The following POM121L2 variants were observed in gnomAD, a reference collection of about 807,000 sequenced individuals.
POM121L2 encodes the protein POM121 transmembrane nucleoporin like 2.
For missense variants in POM121L2, 1,167 were observed against 1,260.3 expected (o/e 0.93, Z 1.12); for synonymous variants, 459 against 483.8 (o/e 0.95, Z 0.67).
rs61736086 is a variant in POM121L2, at chr6:27,309,701, T to C, written c.2470A>G (p.Thr824Ala). The change falls in exon 1 of 1, where the codon ACA (threonine) becomes GCA (alanine). Residue 824 changes from threonine to alanine, a missense_variant. By Grantham distance (58) the Thr-to-Ala change is moderately conservative (BLOSUM62 0). Transcript: ENST00000444565. Reference protein sequence around the residue: ...TPAQPAFISTTQSALGCLTPS... With the variant: ...TPAQPAFISTAQSALGCLTPS... ...GTCAAACACCCCAAGGCTGACTGTG[T>C]GGTACTAATGAAGGCTGGCTGAGCT... is the stretch of plus-strand genomic sequence containing the variant. 7.5e-4 allele frequency: 1,169 copies of C among 1,551,606 alleles called. 11 individuals are homozygous for C. The African/African-American group carries it at 0.014, about 19-fold the overall frequency.
Position 27,310,338 on chromosome 6 carries a change from A to T in POM121L2, c.1833T>A (p.His611Gln). ...TGGCCTTGACCAGGCCATGGAAATG[A>T]TGGGTAGAAGCATGAGTAAATGGAG... ...TPPPFTHAST[H>Q]HFHGLVKATS... Residue 611 changes from histidine (H) to glutamine (Q), a missense_variant, in exon 1 of 1, where the codon CAT (histidine) becomes CAA (glutamine). Transcript: ENST00000444565. 6.4e-7 allele frequency: 1 copy of T among 1,552,244 alleles called. No individual in the cohort carries two copies. The highest frequency in any genetic ancestry group is 1.2e-5 in the South Asian group (1 of 84,064).
chr6:27,309,304 C>G lies in POM121L2; in HGVS notation c.2867G>C (p.Gly956Ala), dbSNP rs868731909. Residue 956 changes from glycine (G) to alanine (A), a missense_variant, in exon 1 of 1, where the codon GGG (glycine) becomes GCG (alanine). By Grantham distance (60) the Gly-to-Ala change is moderately conservative. Transcript: ENST00000444565. ...CTTTCTTGCAGAAATGCTGCCTCTC[C>G]CCAAGGAAAAAGCTGTGCGGTGGCT... ...LPSHRTAFSL[G>A]RGSISARKTM... The G allele has an allele frequency of 3.1e-5, 48 of 1,551,040 alleles. No individual in the cohort carries two copies. In the African/African-American group the frequency reaches 5.5e-4, roughly 18 times the overall value.
rs1461589948 is a variant in POM121L2, at chr6:27,309,632, C to T, written c.2539G>A (p.Gly847Ser). 1 of 1,551,638 alleles carries T rather than the reference C, an allele frequency of 6.4e-7. No individual in the cohort carries two copies. The highest frequency in any genetic ancestry group is 1.4e-5 in the African/African-American group (1 of 73,046). ...TSQTPASTWS[G>S]IGGIPAGFPI... ...AAACCTGCTGGAATGCCGCCAATGC[C>T]TGACCAGGTGCTGGCAGGGGTTTGA... The change falls in exon 1 of 1, where the codon GGC becomes AGC. Residue 847 changes from glycine (G) to serine (S), a missense_variant. By Grantham distance (56) the Gly-to-Ser change is moderately conservative. Coordinates refer to ENST00000444565, the MANE Select transcript of POM121L2 (RefSeq NM_033482.4).
Position 27,311,470 on chromosome 6 carries a change from C to T in POM121L2, c.701G>A (p.Cys234Tyr), listed in dbSNP as rs766783664. The T allele has an allele frequency of 6.4e-7, 1 of 1,551,708 alleles. No individual in the cohort carries two copies. The highest frequency in any genetic ancestry group is 1.2e-5 in the South Asian group (1 of 84,072). ...GCTGGCCAAGGAGCTCATGGAGGAG[C>T]AATTGGGCCTCTTAGTCAAGCTGTG... is the stretch of plus-strand genomic sequence containing the variant. ...SDHSLTKRPN[C>Y]SSMSSLASIY... The change falls in exon 1 of 1, where the codon TGC becomes TAC. Residue 234 changes from cysteine (C) to tyrosine (Y), a missense_variant. Transcript: ENST00000444565.
rs748244122 is a variant in POM121L2, at chr6:27,311,367, G to C, written c.804C>G (p.Asp268Glu). ...CACTGGGAACACTTCTCTTCCAAGG[G>C]TCTGAGAAATTTCTGCAAGAGCTGT... The part of the protein sequence containing the change: ...SSYSSCRNFS[D>E]PWKRSVPSVS... The change falls in exon 1 of 1, where the codon GAC becomes GAG. Residue 268 changes from aspartate (D) to glutamate (E), a missense_variant. Physicochemically the swap from Asp to Glu is conservative, Grantham distance 45 (BLOSUM62 2). Coordinates refer to ENST00000444565, the MANE Select transcript of POM121L2 (RefSeq NM_033482.4). The C allele has an allele frequency of 2.4e-5, 37 of 1,551,546 alleles. No individual in the cohort carries two copies. Among genetic ancestry groups the C allele is most frequent in the Non-Finnish European group, 1.7e-6 (2 of 1,146,986 alleles).
Position 27,311,912 on chromosome 6 carries a change from A to G in POM121L2, c.259T>C (p.Ser87Pro). ...RRFPMKKSQNSPLGPLPSDWW... is the reference protein window; with the variant it reads ...RRFPMKKSQNPPLGPLPSDWW... Reference sequence around the variant, plus strand: ...TCTGAAGGGAGAGGCCCCAGGGGGGAATTCTGGGACTTCTTCATGGGAAAG... The same window carrying G: ...TCTGAAGGGAGAGGCCCCAGGGGGGGATTCTGGGACTTCTTCATGGGAAAG... Residue 87 changes from serine to proline, a missense_variant, in exon 1 of 1, where the codon TCC becomes CCC. Coordinates refer to ENST00000444565, the MANE Select transcript of POM121L2 (RefSeq NM_033482.4). The G allele has an allele frequency of 6.4e-7, 1 of 1,551,536 alleles. No individual in the cohort carries two copies. Among genetic ancestry groups the G allele is most frequent in the Non-Finnish European group, 8.7e-7 (1 of 1,146,952 alleles).
rs61736084 is a variant in POM121L2 at position 27,309,831 on chromosome 6, A to G, written c.2340T>C (p.Asn780=). The G allele has an allele frequency of 5.2e-3, 8,001 of 1,551,726 alleles. 139 individuals carry two copies. Among genetic ancestry groups the G allele is most frequent in the South Asian group, 0.038 (3,206 of 84,062 alleles). ...GCTGGGAAGGCCCTTGTTTCTGTCC[A>G]TTTGTGGCACCAAATGCAGGCTGGG... is the stretch of plus-strand genomic sequence containing the variant. ...ANPQPAFGAT[N]GQKQGPSQPA... Residue 780 remains asparagine (N), a synonymous_variant, in exon 1 of 1, where the codon AAT becomes AAC. Coordinates refer to ENST00000444565, the MANE Select transcript of POM121L2 (RefSeq NM_033482.4).
Position 27,310,122 on chromosome 6 carries a change from G to A in POM121L2, c.2049C>T (p.Phe683=). Reference sequence around the variant, plus strand: ...TAGGATGGTGGTGTGGTGGGAAAATGAATCCTGTGGCTGGGGTGAAGTCGG... The same window carrying A: ...TAGGATGGTGGTGTGGTGGGAAAATAAATCCTGTGGCTGGGGTGAAGTCGG... ...FRADFTPATG[F]IFPPHHHPTI... The change falls in exon 1 of 1, where the codon TTC becomes TTT. Residue 683 remains phenylalanine, a synonymous_variant. Transcript: ENST00000444565. 7 of 1,552,050 alleles carry A rather than the reference G, an allele frequency of 4.5e-6. No individual in the cohort carries two copies. Among genetic ancestry groups the A allele is most frequent in the Non-Finnish European group, 6.1e-6 (7 of 1,147,072 alleles).
chr6:27,309,338 C>T lies in POM121L2; in HGVS notation c.2833G>A (p.Gly945Ser). 1 of 1,551,482 alleles carries T rather than the reference C, an allele frequency of 6.4e-7. No homozygotes were observed. The highest frequency in any genetic ancestry group is 1.2e-5 in the South Asian group (1 of 84,008). ...AAAGCTGTGCGGTGGCTGGGCAGGC[C>T]TTCAGTGTTCTGGCTCCAGCCTTTT... is the stretch of plus-strand genomic sequence containing the variant. ...FGKGWSQNTE[G>S]LPSHRTAFSL... is the part of the protein sequence containing the mutation. The change falls in exon 1 of 1, where the codon GGC becomes AGC. Residue 945 changes from glycine (G) to serine (S), a missense_variant. Coordinates refer to ENST00000444565, the MANE Select transcript of POM121L2 (RefSeq NM_033482.4).
At position 27,309,133 on chromosome 6, in the gene POM121L2, C is replaced by A; in HGVS notation, c.3038G>T (p.Gly1013Val). ...ATTCTTTGGGGTTTTTGATTTTGCG[C>A]CAATGGAAAATGAAGAGGCTGATGA... is the stretch of plus-strand genomic sequence containing the variant. Reference protein sequence around the residue: ...FRSSASSFSIGAKSKTPKNRE... With the variant: ...FRSSASSFSIVAKSKTPKNRE... Residue 1013 changes from glycine (G) to valine (V), a missense_variant, in exon 1 of 1, where the codon GGC becomes GTC. Physicochemically the swap from Gly to Val is moderately radical, Grantham distance 109. Coordinates refer to ENST00000444565, the MANE Select transcript of POM121L2 (RefSeq NM_033482.4). 1 of 1,551,774 alleles carries A rather than the reference C, an allele frequency of 6.4e-7. No individual in the cohort carries two copies. The highest frequency in any genetic ancestry group is 8.7e-7 in the Non-Finnish European group (1 of 1,147,006).
rs757916041 is a variant in POM121L2 at position 27,310,685 on chromosome 6, G to C, written c.1486C>G (p.Pro496Ala). The C allele has an allele frequency of 1.6e-5, 25 of 1,551,780 alleles. No homozygotes were observed. Among genetic ancestry groups the C allele is most frequent in the Non-Finnish European group, 2.0e-5 (23 of 1,147,070 alleles). Residue 496 changes from proline (P) to alanine (A), a missense_variant, in exon 1 of 1, where the codon CCA becomes GCA. Transcript: ENST00000444565. ...TSQADRSPMPPDPPAPPTIQS... is the reference protein window; with the variant it reads ...TSQADRSPMPADPPAPPTIQS... Reference sequence around the variant, plus strand: ...ATGGTGGGTGGTGCAGGTGGGTCTGGGGGCATGGGAGACCTGTCAGCCTGA... The same window carrying C: ...ATGGTGGGTGGTGCAGGTGGGTCTGCGGGCATGGGAGACCTGTCAGCCTGA...
chr6:27,309,423 A>G lies in POM121L2; in HGVS notation c.2748T>C (p.Ser916=). 2 of 1,551,584 alleles carry G rather than the reference A, an allele frequency of 1.3e-6. No individual in the cohort carries two copies. Among genetic ancestry groups the G allele is most frequent in the Non-Finnish European group, 1.7e-6 (2 of 1,146,910 alleles). Residue 916 remains serine (S), a synonymous_variant, in exon 1 of 1, where the codon TCT becomes TCC. Coordinates refer to ENST00000444565, the MANE Select transcript of POM121L2 (RefSeq NM_033482.4). ...GCAATGCTCCAATGCTGAAAGCTCC[A>G]GAGGTGGGGCTCATGTCTGGACCAG... ...IMTGPDMSPT[S]GAFSIGALPS... is the part of the protein sequence containing the mutation.
Position 27,311,355 on chromosome 6 carries a change from T to C in POM121L2, c.816A>G (p.Arg272=). Residue 272 remains arginine (R), a synonymous_variant, in exon 1 of 1, where the codon AGA becomes AGG. Transcript: ENST00000444565. ...SCRNFSDPWK[R]SVPSVSFETP... ...TCTCGAATGATACACTGGGAACACT[T>C]CTCTTCCAAGGGTCTGAGAAATTTC... 1 of 1,551,702 alleles carries C rather than the reference T, an allele frequency of 6.4e-7. No homozygotes were observed. The highest frequency in any genetic ancestry group is 8.7e-7 in the Non-Finnish European group (1 of 1,147,000).
Position 27,310,784 on chromosome 6 carries a change from C to A in POM121L2, c.1387G>T (p.Ala463Ser). The A allele has an allele frequency of 1.3e-6, 2 of 1,551,752 alleles. No homozygotes were observed. Among genetic ancestry groups the A allele is most frequent in the Non-Finnish European group, 1.7e-6 (2 of 1,147,012 alleles). Reference protein sequence around the residue: ...PGTSPDSKPTATFILLTPTSP... With the variant: ...PGTSPDSKPTSTFILLTPTSP... ...GTGGGGGTCAGCAGGATGAAAGTAG[C>A]TGTGGGCTTTGAGTCTGGAGAGGTG... is the stretch of plus-strand genomic sequence containing the variant. Residue 463 changes from alanine to serine, a missense_variant, in exon 1 of 1, where the codon GCT (alanine) becomes TCT (serine). Transcript: ENST00000444565.
At chr6:27,309,479 TA>T (rs1450785792) in intron 1 of POM121L2, 1 of 1,551,746 alleles carries the variant, frequency 6.4e-7, no homozygotes, top group Non-Finnish European at 8.7e-7. Flanking sequence ...TCACAGTCCA[TA>T]GGGGTCACGA....
chr6:27,309,316 G>T lies in POM121L2; in HGVS notation c.2855C>A (p.Ala952Asp), dbSNP rs1298367701. 16 of 1,551,324 alleles carry T rather than the reference G, an allele frequency of 1.0e-5. No homozygotes were observed. In the Admixed American group the frequency reaches 3.1e-4, roughly 30 times the overall value. Residue 952 changes from alanine (A) to aspartate (D), a missense_variant, in exon 1 of 1, where the codon GCT becomes GAT. Physicochemically the swap from Ala to Asp is moderately radical, Grantham distance 126. Coordinates refer to ENST00000444565, the MANE Select transcript of POM121L2 (RefSeq NM_033482.4). ...NTEGLPSHRTAFSLGRGSISA... is the reference protein window; with the variant it reads ...NTEGLPSHRTDFSLGRGSISA... ...AATGCTGCCTCTCCCCAAGGAAAAA[G>T]CTGTGCGGTGGCTGGGCAGGCCTTC...
rs1760740224 is a variant in POM121L2 at position 27,311,162 on chromosome 6, G to A, written c.1009C>T (p.Pro337Ser). Residue 337 changes from proline (P) to serine (S), a missense_variant, in exon 1 of 1, where the codon CCT becomes TCT. By Grantham distance (74) the Pro-to-Ser change is moderately conservative. Transcript: ENST00000444565. ...GAGACTGCATAACCAAGCTGGGGAG[G>A]TGGGATCTCTGACACCAGGTTCTCA... Reference protein sequence around the residue: ...SPENLVSEIPPPQLGYAVSDE... With the variant: ...SPENLVSEIPSPQLGYAVSDE... The A allele has an allele frequency of 1.9e-6, 3 of 1,551,836 alleles. No homozygotes were observed. The highest frequency in any genetic ancestry group is 2.0e-5 in the Admixed American group (1 of 50,980).
At position 27,311,809 on chromosome 6, in the gene POM121L2, C is replaced by T. The variant is rs761748265; in HGVS notation, c.362G>A (p.Arg121Lys). Residue 121 changes from arginine to lysine, a missense_variant, in exon 1 of 1, where the codon AGG (arginine) becomes AAG (lysine). Arg to Lys is a conservative substitution (Grantham distance 26, BLOSUM62 2). Transcript: ENST00000444565. The stretch of plus-strand genomic sequence containing the variant: ...CACTCTCTGGTCAGGAGGAGTGATC[C>T]TGATGGTCACTGGGCTCCAAATTGG... ...PRPIWSPVTIRITPPDQRVPP... is the reference protein window; with the variant it reads ...PRPIWSPVTIKITPPDQRVPP... 6.4e-6 allele frequency: 10 copies of T among 1,551,614 alleles called. No homozygotes were observed. Among genetic ancestry groups the T allele is most frequent in the Non-Finnish European group, 7.8e-6 (9 of 1,147,004 alleles).
In POM121L2 at chr6:27,310,972, C is replaced by T. The variant is rs1457676559; in HGVS notation, c.1199G>A (p.Gly400Glu). 1.9e-6 allele frequency: 3 copies of T among 1,551,746 alleles called. No individual in the cohort carries two copies. The highest frequency in any genetic ancestry group is 2.6e-6 in the Non-Finnish European group (3 of 1,146,864). Residue 400 changes from glycine to glutamate, a missense_variant, in exon 1 of 1, where the codon GGA (glycine) becomes GAA (glutamate). Coordinates refer to ENST00000444565, the MANE Select transcript of POM121L2 (RefSeq NM_033482.4). ...LPSSETDLTQ[G>E]ANPQLENLRK... The stretch of plus-strand genomic sequence containing the variant: ...TAAGTTTTCCAACTGAGGATTTGCT[C>T]CCTGGGTTAGATCTGTTTCTGAAGA...
Sources: gnomAD v4.1 joint callset for allele counts on GRCh38, gnomAD v4.1.1 for gene constraint, MANE v1.5 for transcripts, NCBI Gene and HGNC (gene_info 2026-07-23, HGNC 2026-07-21) for gene names.